The following GLA variants were observed in gnomAD, a reference collection of about 807,000 sequenced individuals.
The protein encoded by GLA is alpha-galactosidase A.
A neutral mutation model predicts 28.2 loss-of-function variants in GLA; 4 were observed. The ratio of observed to expected loss-of-function variants is 0.14; its 90% CI spans 0.07 to 0.32. The LOEUF (loss-of-function observed/expected upper bound fraction) is 0.32. Ranked by LOEUF, GLA falls within the 10% of genes least tolerant of loss-of-function variation. The pLI is 1.00. For synonymous variants in GLA, 94 were observed against 113.0 expected (o/e 0.83, Z 1.07); for missense variants, 203 against 323.7 (o/e 0.63, Z 2.86).
intron 1 of GLA, among the ~76,000 whole-genome samples, chrX:101,404,257 T>C (rs782287045): frequency 1.5e-4 from 17 of 112,060 alleles, no homozygotes; most frequent in Non-Finnish European, 2.8e-4. Context: ...AGAAGACAGT[T>C]CAGTAAAGTC....
intron 3 of GLA, 92 bp from the exon 4 acceptor site, chrX:101,400,849 T>C: frequency 2.2e-6 from 1 of 451,604 alleles, no homozygotes; most frequent in South Asian, 3.6e-5. Flanking sequence ...TTTATTTTAA[T>C]TTTTTGAGAT....
rs201449986 is a variant in GLA at position 101,407,856 on chromosome X, A to C, written c.48T>G (p.Leu16=). ...PELHLGCALA[L]RFLALVSWDI... ...CCCAGGAAACGAGGGCCAGGAAGCGAAGCGCAAGCGCGCAGCCCAGATGTA... is the reference window on the plus strand; with the variant it reads ...CCCAGGAAACGAGGGCCAGGAAGCGCAGCGCAAGCGCGCAGCCCAGATGTA... The change falls in exon 1 of 7, where the codon CTT becomes CTG. Residue 16 remains leucine (L), a synonymous_variant. Transcript: ENST00000218516. 2.9e-4 allele frequency: 350 copies of C among 1,210,031 alleles called. No individual in the cohort carries two copies. The highest frequency in any genetic ancestry group is 3.7e-4 in the Non-Finnish European group (335 of 894,888).
In GLA at chrX:101,401,777, A is replaced by G. The variant is rs1183869568; in HGVS notation, c.402T>C (p.Tyr134=). Residue 134 remains tyrosine (Y), a synonymous_variant, in exon 3 of 7, where the codon TAT becomes TAC. Coordinates refer to ENST00000218516, the MANE Select transcript of GLA (RefSeq NM_000169.3). ...VHSKGLKLGI[Y]ADVGNKTCAG... ...CGCAGGTTTTATTTCCAACATCTGC[A>G]TAAATCCCTAGCTTCAGTCCTTTGC... 8.3e-6 allele frequency: 10 copies of G among 1,209,879 alleles called. No homozygotes were observed. Among genetic ancestry groups the G allele is most frequent in the South Asian group, 1.8e-5 (1 of 56,846 alleles).
chrX:101,399,080 T>C, intron 4 of GLA, 134 bp from the exon 5 acceptor site: 1 of 542,094 alleles, frequency 1.8e-6, no homozygotes, highest in South Asian at 2.8e-5. Flanking sequence ...GTCTAAACCC[T>C]TATAATGAAT....
rs188284702 is a variant in GLA at position 101,405,336 on chromosome X, C to T, written c.195-1351G>A. 1.0e-3 allele frequency among the ~76,000 whole-genome samples: 111 copies of T among 110,674 alleles called. No individual in the cohort carries two copies. In the East Asian group the frequency reaches 0.028, roughly 28 times the overall value. ...AGATTAATGGAATTAAACAAAGTTT[C>T]GAAAGAGGTCCTTCCAGCCATCTGA... On this transcript the variant is annotated intron_variant, in intron 1 of 6. Transcript: ENST00000218516.
rs1220800965 is a variant in GLA, at chrX:101,401,235, C to T, written c.547+397G>A. ...TGTGCTTAAATTGTGTAAAGTACCT[C>T]CCAGACTGCTGGGATTGTTCTGAGG... On this transcript the variant is annotated intron_variant, in intron 3 of 6. Transcript: ENST00000218516. The T allele has an allele frequency of 1.3e-5, 3 of 237,299 alleles. No homozygotes were observed. The highest frequency in any genetic ancestry group is 2.3e-5 in the Non-Finnish European group (3 of 131,045). The allele number at this position is 237,299 out of a possible 1,213,427, so 19.6% of individuals were successfully genotyped here.
At chrX:101,402,761 C>CA (rs373426188) in intron 2 of GLA, among the ~76,000 whole-genome samples, 4,238 of 104,266 alleles carry the variant, frequency 0.041, 107 homozygotes, top group African/African-American at 0.083. Context: ...GAGACTCCGT[C>CA]AAAAAAAAAA....
At chrX:101,401,371 C>A in intron 3 of GLA, 1 of 396,152 alleles carries the variant, frequency 2.5e-6, no homozygotes, top group South Asian at 3.4e-5. Context: ...TAGAGAGTTA[C>A]AATTACTAAT....
In GLA at chrX:101,398,031, C is replaced by T. The variant is rs1555984821; in HGVS notation, c.1068G>A (p.Arg356=). ...AAGAGCGAGGTCCACCAATCTCCTG[C>T]CGGTTTATCATAGCTACAGCCCAGG... ...GLAWAVAMIN[R]QEIGGPRSYT... Residue 356 remains arginine (R), a synonymous_variant, in exon 7 of 7, where the codon CGG becomes CGA. Transcript: ENST00000218516. 1 of 1,210,745 alleles carries T rather than the reference C, an allele frequency of 8.3e-7. No homozygotes were observed. Among genetic ancestry groups the T allele is most frequent in the South Asian group, 1.8e-5 (1 of 56,978 alleles).
Position 101,398,852 on chromosome X carries a change from C to A in GLA, c.734G>T (p.Trp245Leu), listed in dbSNP as rs398123220. Residue 245 changes from tryptophan (W) to leucine (L), a missense_variant, in exon 5 of 7, where the codon TGG becomes TTG. This residue lies in a region of GLA where 162 missense variants were observed against 246.8 expected (regional missense o/e 0.66). Transcript: ENST00000218516. Reference sequence around the variant, plus strand: ...AATTCTCTCCTGGTTAAAAGATGTCCAGTCCAAGATACTCTTTATACTTTT... The same window carrying A: ...AATTCTCTCCTGGTTAAAAGATGTCAAGTCCAAGATACTCTTTATACTTTT... ...SWKSIKSILD[W>L]TSFNQERIVD... The A allele has an allele frequency of 1.7e-6, 2 of 1,207,088 alleles. No individual in the cohort carries two copies. Among genetic ancestry groups the A allele is most frequent in the Non-Finnish European group, 2.2e-6 (2 of 892,375 alleles).
intron 3 of GLA, 195 bp from the exon 4 acceptor site, chrX:101,400,952 C>T: frequency 3.5e-6 from 1 of 286,564 alleles, no homozygotes; most frequent in Admixed American, 5.4e-5. Flanking sequence ...TCTTCTGTCT[C>T]AGCTTCCCAA....
chrX:101,406,062 AAG>A (rs1360525951), intron 1 of GLA, among the ~76,000 whole-genome samples: 85 of 103,556 alleles, frequency 8.2e-4, no homozygotes, highest in Non-Finnish European at 1.5e-3. Flanking sequence ...AAAAAAAAAA[AAG>A]AGCCAGGCGT....
intron 3 of GLA, chrX:101,401,385 C>A: frequency 2.4e-6 from 1 of 413,425 alleles, no homozygotes; most frequent in Admixed American, 4.0e-5. Flanking sequence ...TACTAATTAA[C>A]TCTTAGAGCC....
intron 1 of GLA, among the ~76,000 whole-genome samples, chrX:101,407,322 T>C (rs1371617708): frequency 9.0e-6 from 1 of 111,608 alleles, no homozygotes; most frequent in African/African-American, 3.3e-5. Flanking sequence ...AAGAAGGGTC[T>C]GAATAGAACC....
chrX:101,398,595 CAA>C (rs782355985), intron 5 of GLA, 28 bp from the exon 6 acceptor site: 56 of 1,151,294 alleles, frequency 4.9e-5, no homozygotes, highest in African/African-American at 3.7e-4. Context: ...ATAATTCAAA[CAA>C]GAGAGGAGGA....
At chrX:101,400,069 C>T (rs375141269) in intron 4 of GLA, among the ~76,000 whole-genome samples, 1 of 110,761 alleles carries the variant, frequency 9.0e-6, no homozygotes, top group Non-Finnish European at 1.9e-5. Context: ...ACCCCTTGGA[C>T]TTTGGGGAGG....
intron 2 of GLA, among the ~76,000 whole-genome samples, chrX:101,403,253 C>T (rs1463008288): frequency 3.0e-4 from 29 of 96,315 alleles, no homozygotes; most frequent in African/African-American, 1.1e-3. Context: ...GAGCCGAGAT[C>T]GCACCACTGC....
Position 101,403,788 on chromosome X carries a change from A to G in GLA, c.369+23T>C, listed in dbSNP as rs782523891. ...AGTGCTTACAGTCCTCTGAATGAACAAGAACATTATCTATAAACTCACATA... is the reference window on the plus strand; with the variant it reads ...AGTGCTTACAGTCCTCTGAATGAACGAGAACATTATCTATAAACTCACATA... On this transcript the variant is annotated intron_variant, in intron 2 of 6. Transcript: ENST00000218516. The G allele has an allele frequency of 2.5e-6, 3 of 1,193,033 alleles. No homozygotes were observed. In the African/African-American group the frequency reaches 5.3e-5, roughly 21 times the overall value.
Position 101,398,071 on chromosome X carries a change from G to C in GLA, c.1028C>G (p.Pro343Arg). 8.3e-7 allele frequency: 1 copy of C among 1,211,690 alleles called. No individual in the cohort carries two copies. The highest frequency in any genetic ancestry group is 1.1e-6 in the Non-Finnish European group (1 of 895,275). Reference sequence around the variant, plus strand: ...TACAGCCCAGGCTAAGCCTGAGAGAGGTCGTTCCCACACTTCAAAGTTGTC... The same window carrying C: ...TACAGCCCAGGCTAAGCCTGAGAGACGTCGTTCCCACACTTCAAAGTTGTC... Reference protein sequence around the residue: ...QGDNFEVWERPLSGLAWAVAM... With the variant: ...QGDNFEVWERRLSGLAWAVAM... The change falls in exon 7 of 7, where the codon CCT (proline) becomes CGT (arginine). Residue 343 changes from proline to arginine, a missense_variant. Around this residue, in one of 3 missense-constraint regions of GLA, gnomAD observed 162 missense variants for 246.8 expected, o/e 0.66. Coordinates refer to ENST00000218516, the MANE Select transcript of GLA (RefSeq NM_000169.3).
Sources: allele counts gnomAD v4.1 joint callset (sites outside exome capture counted in the v4.1 genomes callset), GRCh38; gene constraint gnomAD v4.1.1; regional missense constraint gnomAD v4.1.1; transcripts MANE v1.5; gene names NCBI Gene and HGNC (gene_info 2026-07-23, HGNC 2026-07-21).